Variants in OR7E24 observed in about 807,000 individuals in gnomAD.
OR7E24 encodes olfactory receptor 7E24.
For synonymous variants in OR7E24, 130 were observed against 157.5 expected, an observed-to-expected ratio of 0.83 and a Z score of 1.31; for missense variants, 385 against 410.3, an observed-to-expected ratio of 0.94 and a Z score of 0.53.
chr19:9,252,040 C>T lies in OR7E24; in HGVS notation c.997C>T (p.His333Tyr). The T allele has an allele frequency of 6.2e-7, 1 of 1,613,792 alleles. No individual in the cohort carries two copies. The highest frequency in any genetic ancestry group is 8.5e-7 in the Non-Finnish European group (1 of 1,179,814). The change falls in exon 1 of 1, where the codon CAT becomes TAT. Residue 333 changes from histidine to tyrosine, a missense_variant. Physicochemically the swap from His to Tyr is moderately conservative, Grantham distance 83. Transcript: ENST00000456448. ...HGRIIKSHHLHPFCYMG is the reference protein window; with the variant it reads ...HGRIIKSHHLYPFCYMG Reference sequence around the variant, plus strand: ...CAGAATCATCAAATCTCATCATCTCCATCCTTTTTGTTATATGGGATAGAA... The same window carrying T: ...CAGAATCATCAAATCTCATCATCTCTATCCTTTTTGTTATATGGGATAGAA...
At chr19:9,241,113 G>T in the OR7E24 span, among the ~76,000 whole-genome samples, 6 of 152,176 alleles carry the variant, frequency 3.9e-5, no homozygotes, top group East Asian at 1.2e-3. Context: ...ATTGCGCCAG[G>T]CCTGTTGATC....
chr19:9,212,626 T>C, the OR7E24 span: 1 of 152,214 alleles, frequency 6.6e-6, no homozygotes, highest in East Asian at 1.9e-4. Context: ...ATAGGGCTTG[T>C]ATTTCAAAGG....
chr19:9,210,068 C>A, the OR7E24 span: 1 of 152,066 alleles, frequency 6.6e-6, no homozygotes, highest in Non-Finnish European at 1.5e-5. Context: ...TTGCTACTAC[C>A]CAAACATTTT....
chr19:9,234,167 G>C, the OR7E24 span, among the ~76,000 whole-genome samples: 1 of 152,152 alleles, frequency 6.6e-6, no homozygotes, highest in Non-Finnish European at 1.5e-5. Flanking sequence ...CTCCCAAGGT[G>C]GTGGGATTAC....
chr19:9,227,621 G>A, the OR7E24 span, among the ~76,000 whole-genome samples: 2 of 152,048 alleles, frequency 1.3e-5, no homozygotes, highest in Admixed American at 6.5e-5. Context: ...ATTTAGGTTG[G>A]TTCTATACCT....
chr19:9,246,876 T>A (rs1017704572), upstream of OR7E24, among the ~76,000 whole-genome samples: 17 of 152,192 alleles, frequency 1.1e-4, no homozygotes, highest in Admixed American at 7.9e-4. Flanking sequence ...TTTTGTTTAA[T>A]GGTTGCTGAG....
chr19:9,235,898 A>G, the OR7E24 span: 47 of 1,606,916 alleles, frequency 2.9e-5, no homozygotes, highest in Middle Eastern at 1.6e-4. Flanking sequence ...TCCTTGTTCT[A>G]TGGAACAGGA....
upstream of OR7E24, chr19:9,247,589 T>C (rs1396518481): frequency 2.5e-6 from 1 of 398,566 alleles, no homozygotes; most frequent in African/African-American, 2.1e-5. Flanking sequence ...GGGTGGCAGA[T>C]GGGAGGACAC....
chr19:9,209,599 T>C, the OR7E24 span: 1 of 151,942 alleles, frequency 6.6e-6, no homozygotes, highest in Non-Finnish European at 1.5e-5. Context: ...ATTCTCAGAA[T>C]ATACAAGTAA....
upstream of OR7E24, among the ~76,000 whole-genome samples, chr19:9,246,508 GTGTGTGTTTTC>G (rs2066130979): frequency 6.7e-6 from 1 of 149,352 alleles, no homozygotes; most frequent in African/African-American, 2.5e-5. Context: ...GTGTGTGTGT[GTGTGTGTTTTC>G]TTCTCCCCTT....
chr19:9,239,862 CAGT>C, the OR7E24 span, among the ~76,000 whole-genome samples: 1 of 151,934 alleles, frequency 6.6e-6, no homozygotes, highest in African/African-American at 2.4e-5. Context: ...GCACATGCCA[CAGT>C]GCCCGGCAAA....
chr19:9,251,718 C>G lies in OR7E24; in HGVS notation c.675C>G (p.Gly225=). 1 of 1,613,294 alleles carries G rather than the reference C, an allele frequency of 6.2e-7. No homozygotes were observed. The highest frequency in any genetic ancestry group is 8.5e-7 in the Non-Finnish European group (1 of 1,179,574). The change falls in exon 1 of 1, where the codon GGC becomes GGG. Residue 225 remains glycine (G), a synonymous_variant. Coordinates refer to ENST00000456448, the MANE Select transcript of OR7E24 (RefSeq NM_001079935.2). ...TATATTTCATGGGTGCCATATTTGG[C>G]TGTCTCCCTATCTCAGGGATCCTTT... ...MVIYFMGAIF[G]CLPISGILFS...
chr19:9,209,089 A>G, the OR7E24 span: 1 of 152,160 alleles, frequency 6.6e-6, no homozygotes, highest in Non-Finnish European at 1.5e-5. Flanking sequence ...GCTATGATGG[A>G]TTAATACCTT....
upstream of OR7E24, among the ~76,000 whole-genome samples, chr19:9,249,935 C>T (rs1248052783): frequency 6.6e-6 from 1 of 151,866 alleles, no homozygotes; most frequent in East Asian, 1.9e-4. Flanking sequence ...AGCCTGGTGA[C>T]AGGCTCAAAA....
chr19:9,251,754 T>C lies in OR7E24; in HGVS notation c.711T>C (p.Tyr237=), dbSNP rs777264993. The C allele has an allele frequency of 1.9e-6, 3 of 1,611,662 alleles. No individual in the cohort carries two copies. The highest frequency in any genetic ancestry group is 2.5e-6 in the Non-Finnish European group (3 of 1,178,800). ...LPISGILFSY[Y]KIVSPILRVP... ...TCTCAGGGATCCTTTTCTCTTACTA[T>C]AAAATTGTTTCCCCCATTCTGAGAG... The change falls in exon 1 of 1, where the codon TAT becomes TAC. Residue 237 remains tyrosine (Y), a synonymous_variant. Transcript: ENST00000456448.
chr19:9,251,673 C>T lies in OR7E24; in HGVS notation c.630C>T (p.Thr210=). 6.2e-7 allele frequency: 1 copy of T among 1,613,788 alleles called. No homozygotes were observed. Among genetic ancestry groups the T allele is most frequent in the South Asian group, 1.1e-5 (1 of 91,048 alleles). The change falls in exon 1 of 1, where the codon ACC becomes ACT. Residue 210 remains threonine (T), a synonymous_variant. Transcript: ENST00000456448. ...TCCTCCACCTTAGGTGTTCCGACAC[C>T]TTCATCAATGAAATGGTCATATATT... ...SQLLHLRCSD[T]FINEMVIYFM...
upstream of OR7E24, chr19:9,247,286 G>A (rs2066133104): frequency 2.6e-6 from 1 of 389,688 alleles, no homozygotes; most frequent in South Asian, 1.4e-4. Context: ...TCTGTGCCTT[G>A]AGCCCCCAAG....
upstream of OR7E24, chr19:9,247,524 G>A (rs2066133867): frequency 5.0e-6 from 2 of 398,636 alleles, no homozygotes; most frequent in Non-Finnish European, 8.8e-6. Context: ...CTCAGTGAGT[G>A]CTGAGGGACG....
the OR7E24 span, among the ~76,000 whole-genome samples, chr19:9,240,754 C>T: frequency 6.6e-6 from 1 of 151,878 alleles, no homozygotes; most frequent in Non-Finnish European, 1.5e-5. Flanking sequence ...TCAAGATATT[C>T]CTGTATGTTT....
Sources: gnomAD v4.1 joint callset for allele counts (sites outside exome capture counted in the v4.1 genomes callset) on GRCh38, gnomAD v4.1.1 for gene constraint, MANE v1.5 for transcripts, NCBI Gene and HGNC (gene_info 2026-07-23, HGNC 2026-07-21) for gene names.